The following VWA8 variants were observed in gnomAD, a reference collection of about 807,000 sequenced individuals.
VWA8 encodes the protein von Willebrand factor A domain-containing protein 8.
Under a neutral mutation model 241.5 loss-of-function variants are expected in VWA8, and 221 were observed. The observed-to-expected ratio is 0.91, with a 90% confidence interval of 0.82 to 1.02. The LOEUF (loss-of-function observed/expected upper bound fraction) is 1.02, where lower values mean the gene tolerates loss of function less well. VWA8 is among the 50% of genes least tolerant of loss of function. The pLI is 0.00. For synonymous variants in VWA8, 852 were observed against 827.1 expected (o/e 1.03, Z -0.52); for missense variants, 2,322 against 2,328.7 (o/e 1.00, Z 0.06).
intron 19 of VWA8, among the ~76,000 whole-genome samples, chr13:41,782,033 C>T (rs1304195647): frequency 6.6e-6 from 1 of 152,184 alleles, no homozygotes; most frequent in Non-Finnish European, 1.5e-5. Flanking sequence ...TAATAATATA[C>T]ACAATGGAAG....
At chr13:41,657,972 C>G (rs962542866) in intron 37 of VWA8, among the ~76,000 whole-genome samples, 14 of 152,172 alleles carry the variant, frequency 9.2e-5, no homozygotes, top group Admixed American at 5.2e-4. Context: ...GCTAACGCAT[C>G]TTTTAAAGGT....
At chr13:41,760,663 T>C (rs2137905854) in intron 21 of VWA8, among the ~76,000 whole-genome samples, 1 of 152,074 alleles carries the variant, frequency 6.6e-6, no homozygotes, top group Admixed American at 6.6e-5. Context: ...ATTCTAACCA[T>C]ACAAAATTAT....
At chr13:41,748,216 T>A (rs1437866838) in intron 21 of VWA8, among the ~76,000 whole-genome samples, 1 of 152,214 alleles carries the variant, frequency 6.6e-6, no homozygotes, top group Admixed American at 6.5e-5. Context: ...TGGCTGTGAA[T>A]CCATCTGGTC....
At position 41,912,078 on chromosome 13, in the gene VWA8, G is replaced by A. The variant is rs751732674; in HGVS notation, c.332C>T (p.Pro111Leu). The A allele has an allele frequency of 1.3e-5, 21 of 1,607,990 alleles. 1 individual carries two copies. Among genetic ancestry groups the A allele is most frequent in the South Asian group, 8.9e-5 (8 of 90,112 alleles). The change falls in exon 3 of 45, where the codon CCT becomes CTT. Residue 111 changes from proline to leucine, a missense_variant. Pro to Leu is a moderately conservative substitution (Grantham distance 98). Coordinates refer to ENST00000379310, the MANE Select transcript of VWA8 (RefSeq NM_015058.2). ...LLGQDVFLIG[P>L]PGPLRRSIAM... ...AATAGAGCGTCGAAGAGGCCCAGGA[G>A]GTCCTATTAGAAAAACATCTTGCCC...
At chr13:41,936,185 T>C (rs80336682) in intron 2 of VWA8, among the ~76,000 whole-genome samples, 2,719 of 152,272 alleles carry the variant, frequency 0.018, 87 homozygotes, top group African/African-American at 0.061. Context: ...CCTGAAACTA[T>C]ATAGGTATTG....
At chr13:41,802,084 T>A (rs1869985873) in intron 17 of VWA8, among the ~76,000 whole-genome samples, 2 of 152,174 alleles carry the variant, frequency 1.3e-5, no homozygotes, top group Admixed American at 1.3e-4. Flanking sequence ...TCACAGTACC[T>A]GGTTTCAACA....
At position 41,777,920 on chromosome 13, in the gene VWA8, A is replaced by T. The variant is rs1377895688; in HGVS notation, c.2349+65T>A. On this transcript the variant is annotated intron_variant, in intron 20 of 44. Transcript: ENST00000379310. ...AAATAACTGATTCCAACAAGAAGAA[A>T]CTTACTGCTTTTAAATTGTTACTAT... The T allele has an allele frequency of 2.2e-6, 3 of 1,376,862 alleles. No individual in the cohort carries two copies. In the African/African-American group the frequency reaches 4.4e-5, roughly 20 times the overall value. The allele number at this position is 1,376,862 out of a possible 1,614,324, so 85.3% of individuals were successfully genotyped here. A position where few individuals can be genotyped will look rare whatever the true frequency, so the allele number is the denominator to read the frequency against.
chr13:41,848,412 C>T (rs990725744), intron 12 of VWA8, among the ~76,000 whole-genome samples: 1 of 152,124 alleles, frequency 6.6e-6, no homozygotes, highest in Admixed American at 6.5e-5. Flanking sequence ...TGTGTCCCCA[C>T]CCAAATCTCA....
chr13:41,748,891 A>G (rs2045631348), intron 21 of VWA8, among the ~76,000 whole-genome samples: 1 of 152,230 alleles, frequency 6.6e-6, no homozygotes, highest in East Asian at 1.9e-4. Flanking sequence ...TGTTAGACCT[A>G]AAACCATAAA....
chr13:41,826,919 T>C (rs1317408537), intron 14 of VWA8, among the ~76,000 whole-genome samples: 2 of 151,930 alleles, frequency 1.3e-5, no homozygotes, highest in African/African-American at 2.4e-5. Flanking sequence ...GAAGATGGAA[T>C]TGATAAATAT....
At chr13:41,948,865 A>T (rs1877982169) in intron 2 of VWA8, among the ~76,000 whole-genome samples, 1 of 152,134 alleles carries the variant, frequency 6.6e-6, no homozygotes, top group Non-Finnish European at 1.5e-5. Flanking sequence ...ATGTTTATAC[A>T]ATGGAACATT....
intron 37 of VWA8, among the ~76,000 whole-genome samples, chr13:41,640,797 C>T (rs12877633): frequency 6.6e-6 from 1 of 151,902 alleles, no homozygotes; most frequent in African/African-American, 2.4e-5. Flanking sequence ...CAATTAACAA[C>T]AAAAAAAGCA....
At chr13:41,635,147 T>C (rs558357604) in intron 37 of VWA8, among the ~76,000 whole-genome samples, 1 of 152,302 alleles carries the variant, frequency 6.6e-6, no homozygotes, top group East Asian at 1.9e-4. Flanking sequence ...TAATGTGAAA[T>C]CTGAACACTA....
intron 20 of VWA8, among the ~76,000 whole-genome samples, chr13:41,770,719 T>G (rs922486877): frequency 4.6e-5 from 7 of 151,878 alleles, no homozygotes; most frequent in African/African-American, 1.7e-4. Flanking sequence ...AAATCAGGGA[T>G]AGAGAAGGCA....
intron 43 of VWA8, among the ~76,000 whole-genome samples, chr13:41,574,003 A>C (rs1284687706): frequency 2.0e-5 from 3 of 152,206 alleles, no homozygotes; most frequent in Non-Finnish European, 1.5e-5. Flanking sequence ...TAAATGCTTG[A>C]GGTGATGGAT....
chr13:41,801,042 C>A (rs1869934777), intron 17 of VWA8, among the ~76,000 whole-genome samples: 1 of 152,056 alleles, frequency 6.6e-6, no homozygotes, highest in Non-Finnish European at 1.5e-5. Flanking sequence ...TGGTAATAAA[C>A]ACTGCTAGCT....
chr13:41,624,567 C>T (rs901796890), intron 37 of VWA8, among the ~76,000 whole-genome samples: 1 of 152,078 alleles, frequency 6.6e-6, no homozygotes, highest in Admixed American at 6.6e-5. Flanking sequence ...GAACTAAAAA[C>T]GAAAACCACA....
chr13:41,589,980 G>A (rs2044443975), intron 41 of VWA8, among the ~76,000 whole-genome samples: 1 of 152,200 alleles, frequency 6.6e-6, no homozygotes, highest in Non-Finnish European at 1.5e-5. Context: ...TAATACATTT[G>A]TATGCCTCTT....
intron 4 of VWA8, among the ~76,000 whole-genome samples, chr13:41,895,445 A>G (rs2138090092): frequency 1.3e-5 from 2 of 152,330 alleles, no homozygotes; most frequent in East Asian, 3.9e-4. Context: ...TTACCTATGC[A>G]GAGAAACGAA....
Sources: allele counts gnomAD v4.1 joint callset (sites outside exome capture counted in the v4.1 genomes callset), GRCh38; gene constraint gnomAD v4.1.1; transcripts MANE v1.5; gene names NCBI Gene and HGNC (gene_info 2026-07-23, HGNC 2026-07-21).